Variants in ASIC2 observed in about 807,000 individuals in gnomAD.
ASIC2 encodes the protein acid sensing ion channel subunit 2.
ASIC2 carries 25 observed loss-of-function variants against 57.3 expected under a neutral mutation model. That is an observed-to-expected ratio of 0.44 (90% CI 0.32 to 0.61). The LOEUF (loss-of-function observed/expected upper bound fraction) is 0.61. Among genes scored for constraint, ASIC2 ranks in the 20% least tolerant of loss-of-function variants. The pLI is 0.06. For synonymous variants in ASIC2, 319 were observed against 307.5 expected (o/e 1.04, Z -0.39); for missense variants, 641 against 738.1 (o/e 0.87, Z 1.52).
intron 1 of ASIC2, among the ~76,000 whole-genome samples, chr17:33,995,261 A>G (rs1906121028): frequency 6.6e-6 from 1 of 152,200 alleles, no homozygotes; most frequent in Admixed American, 6.5e-5. Flanking sequence ...TTGGGTGGAT[A>G]AAATTGGGCA....
intron 1 of ASIC2, among the ~76,000 whole-genome samples, chr17:34,098,742 G>C (rs1336375904): frequency 6.6e-6 from 1 of 152,132 alleles, no homozygotes; most frequent in African/African-American, 2.4e-5. Flanking sequence ...CCACACTAAA[G>C]GCGACTGGAA....
chr17:33,088,958 G>A lies in ASIC2; in HGVS notation c.892C>T (p.Gln298Ter). ...ETTFEAGVKV[Q>*]IHSQSEPPFI... ...GGTGGCTCAGACTGACTGTGGATCT[G>A]AACTTTCACTCCTGCTTCAAATGTC... Residue 298 changes from glutamine to a stop codon, truncating the protein, a stop_gained, in exon 3 of 10, where the codon CAG (glutamine) becomes TAG (stop). Coordinates refer to ENST00000225823, the MANE Select transcript of ASIC2 (RefSeq NM_183377.2). LOFTEE classifies it high-confidence loss of function. 6.2e-7 allele frequency: 1 copy of A among 1,614,118 alleles called. No individual in the cohort carries two copies. Among genetic ancestry groups the A allele is most frequent in the Non-Finnish European group, 8.5e-7 (1 of 1,179,978 alleles).
intron 1 of ASIC2, among the ~76,000 whole-genome samples, chr17:33,520,953 A>G (rs1343032251): frequency 6.6e-6 from 1 of 152,106 alleles, no homozygotes; most frequent in Non-Finnish European, 1.5e-5. Flanking sequence ...ATCATGTTGG[A>G]CTACTTTGGA....
At chr17:33,365,587 C>T (rs981302748) in intron 1 of ASIC2, among the ~76,000 whole-genome samples, 1 of 152,084 alleles carries the variant, frequency 6.6e-6, no homozygotes, top group African/African-American at 2.4e-5. Flanking sequence ...TTCCTTTTAC[C>T]ACAAGAGGTC....
intron 1 of ASIC2, among the ~76,000 whole-genome samples, chr17:33,951,411 T>C (rs1904558222): frequency 1.3e-5 from 2 of 152,148 alleles, no homozygotes; most frequent in Non-Finnish European, 2.9e-5. Context: ...ACCTGGAAGC[T>C]GTGCCTTCCT....
chr17:33,298,917 C>T (rs1251945674), intron 1 of ASIC2, among the ~76,000 whole-genome samples: 1 of 152,126 alleles, frequency 6.6e-6, no homozygotes, highest in African/African-American at 2.4e-5. Flanking sequence ...GAACTACAAA[C>T]CACTGCTCAA....
At chr17:33,578,774 A>C (rs1039070657) in intron 1 of ASIC2, among the ~76,000 whole-genome samples, 1 of 138,454 alleles carries the variant, frequency 7.2e-6, no homozygotes, top group Non-Finnish European at 1.5e-5. Context: ...GAAGGTGCTG[A>C]TTTCGCATAA....
intron 1 of ASIC2, among the ~76,000 whole-genome samples, chr17:33,377,179 T>G (rs373460102): frequency 1.3e-5 from 2 of 152,094 alleles, no homozygotes; most frequent in Non-Finnish European, 2.9e-5. Context: ...GACTCCTGAG[T>G]AGCTGGGACT....
intron 1 of ASIC2, among the ~76,000 whole-genome samples, chr17:34,137,144 TA>T (rs1912149595): frequency 6.6e-6 from 1 of 152,310 alleles, no homozygotes; most frequent in African/African-American, 2.4e-5. Flanking sequence ...CAGTTCTAAT[TA>T]AAATTATTTG....
chr17:33,521,821 A>T (rs1455979686), intron 1 of ASIC2, among the ~76,000 whole-genome samples: 1 of 152,098 alleles, frequency 6.6e-6, no homozygotes, highest in East Asian at 1.9e-4. Flanking sequence ...GCTCCTCAGA[A>T]CCCTGATGTG....
chr17:33,566,402 A>G (rs2164116), intron 1 of ASIC2, among the ~76,000 whole-genome samples: 81,078 of 152,016 alleles, frequency 0.53, 23,028 homozygotes, highest in African/African-American at 0.74. Context: ...ACCAGGCAGG[A>G]ACACCCAGCT....
At chr17:33,663,827 A>G (rs1907381266) in intron 1 of ASIC2, among the ~76,000 whole-genome samples, 1 of 152,084 alleles carries the variant, frequency 6.6e-6, no homozygotes, top group African/African-American at 2.4e-5. Flanking sequence ...GCCTGCTCTC[A>G]TTATTAATCT....
At chr17:33,203,983 A>G (rs1906970266) in intron 1 of ASIC2, among the ~76,000 whole-genome samples, 1 of 152,242 alleles carries the variant, frequency 6.6e-6, no homozygotes, top group Non-Finnish European at 1.5e-5. Flanking sequence ...GGTATTAAAC[A>G]TATACCTGGC....
chr17:33,645,805 A>C (rs1164917395), intron 1 of ASIC2, among the ~76,000 whole-genome samples: 1 of 152,110 alleles, frequency 6.6e-6, no homozygotes, highest in East Asian at 1.9e-4. Context: ...TGATTGTCAA[A>C]ATACAACTCA....
At chr17:33,242,780 C>A (rs995057630) in intron 1 of ASIC2, among the ~76,000 whole-genome samples, 1 of 152,170 alleles carries the variant, frequency 6.6e-6, no homozygotes, top group East Asian at 1.9e-4. Context: ...TCACCTATTT[C>A]TGTTTCCATC....
chr17:33,623,241 T>TG (rs1905859200), intron 1 of ASIC2, among the ~76,000 whole-genome samples: 2 of 34,342 alleles, frequency 5.8e-5, no homozygotes, highest in South Asian at 7.7e-4. Context: ...ATATCGTTTT[T>TG]TTTTGTTTGT....
At chr17:33,064,158 C>G (rs932992819) in intron 3 of ASIC2, among the ~76,000 whole-genome samples, 10 of 152,226 alleles carry the variant, frequency 6.6e-5, no homozygotes, top group South Asian at 2.1e-4. Context: ...CTTCTCTCAG[C>G]TCGTCAAAGT....
At chr17:33,175,316 G>C (rs1905706067) in intron 1 of ASIC2, among the ~76,000 whole-genome samples, 1 of 152,112 alleles carries the variant, frequency 6.6e-6, no homozygotes, top group African/African-American at 2.4e-5. Context: ...TATCTCTTTA[G>C]GGCGCATTCT....
At chr17:33,719,916 T>C (rs1330979833) in intron 1 of ASIC2, among the ~76,000 whole-genome samples, 2 of 152,240 alleles carry the variant, frequency 1.3e-5, no homozygotes, top group African/African-American at 4.8e-5. Flanking sequence ...AGTGTCACTC[T>C]GTCACCCAGG....
Sources: gnomAD v4.1 joint callset for allele counts (sites outside exome capture counted in the v4.1 genomes callset) on GRCh38, gnomAD v4.1.1 for gene constraint, MANE v1.5 for transcripts, NCBI Gene and HGNC (gene_info 2026-07-23, HGNC 2026-07-21) for gene names.